TTC6: variants seen among roughly 807,000 people sequenced by gnomAD.
TTC6 encodes tetratricopeptide repeat domain 6, also known as tetratricopeptide repeat protein 6.
A neutral mutation model predicts 210.4 loss-of-function variants in TTC6; 172 were observed. That is an observed-to-expected ratio of 0.82 (90% CI 0.72 to 0.93). The LOEUF is 0.93. Ranked by LOEUF, TTC6 falls within the 40% of genes least tolerant of loss-of-function variation. The probability of loss-of-function intolerance (pLI) is 0.00; values close to 1 mark genes in which losing one functional copy is unlikely to be tolerated. For missense variants in TTC6, 2,414 were observed against 2,318.1 expected (o/e 1.04, Z -0.85); for synonymous variants, 804 against 819.6 (o/e 0.98, Z 0.32).
intron 1 of TTC6, among the ~76,000 whole-genome samples, chr14:37,629,642 T>C (rs557461338): frequency 6.6e-6 from 1 of 152,294 alleles, no homozygotes; most frequent in East Asian, 1.9e-4. Context: ...TCCAATACTA[T>C]GTTGAATAGG....
intron 1 of TTC6, among the ~76,000 whole-genome samples, chr14:37,633,049 C>T (rs2095673078): frequency 6.6e-6 from 1 of 152,224 alleles, no homozygotes; most frequent in Non-Finnish European, 1.5e-5. Flanking sequence ...TGGATCTTAG[C>T]TCGCTGGGCT....
At chr14:37,821,009 T>C (rs1003484301) in intron 26 of TTC6, among the ~76,000 whole-genome samples, 5 of 63,676 alleles carry the variant, frequency 7.9e-5, no homozygotes, top group African/African-American at 2.3e-4. Context: ...CTCTTGCTCT[T>C]CTTCTTCTTC....
chr14:37,766,194 CAT>C (rs2095998775), intron 14 of TTC6, among the ~76,000 whole-genome samples: 1 of 152,104 alleles, frequency 6.6e-6, no homozygotes, highest in South Asian at 2.1e-4. Context: ...ACAACATATG[CAT>C]ATGTTGGTTG....
exon 27 of TTC6, chr14:37,823,935 T>C: frequency 6.2e-7 from 1 of 1,613,876 alleles, no homozygotes; most frequent in Non-Finnish European, 8.5e-7. Flanking sequence ...AAAGCCAGAA[T>C]TAGTTTTGGC....
Position 37,666,891 on chromosome 14 carries a change from C to T in TTC6, c.940-13260C>T, listed in dbSNP as rs1011270374. On this transcript the variant is annotated intron_variant, in intron 1 of 30. Transcript: ENST00000553443. ...CTTTTGCCTTTGGGGGCACTTCTTA[C>T]CATAAAAATACTGAAAAAAAATTTT... Among the ~76,000 whole-genome samples, 3 of 149,424 alleles carry T rather than the reference C, an allele frequency of 2.0e-5. 1 individual carries two copies. Among genetic ancestry groups the T allele is most frequent in the Non-Finnish European group, 4.5e-5 (3 of 66,646 alleles).
At chr14:37,664,531 C>T (rs548463910) in intron 1 of TTC6, among the ~76,000 whole-genome samples, 6 of 150,424 alleles carry the variant, frequency 4.0e-5, no homozygotes, top group African/African-American at 1.4e-4. Flanking sequence ...AAATGTAAAA[C>T]CCCAAACTAC....
At chr14:37,719,343 T>C (rs1459847596) in intron 6 of TTC6, among the ~76,000 whole-genome samples, 1 of 152,022 alleles carries the variant, frequency 6.6e-6, no homozygotes, top group Non-Finnish European at 1.5e-5. Flanking sequence ...TTTTTGTACA[T>C]GTAAACAAGA....
intron 1 of TTC6, among the ~76,000 whole-genome samples, chr14:37,675,484 A>T (rs2095767133): frequency 6.6e-6 from 1 of 152,128 alleles, no homozygotes; most frequent in Non-Finnish European, 1.5e-5. Flanking sequence ...ATGAATGGAC[A>T]TTTGGCTTGT....
At chr14:37,803,846 TG>T (rs2096112441) in intron 20 of TTC6, among the ~76,000 whole-genome samples, 1 of 152,170 alleles carries the variant, frequency 6.6e-6, no homozygotes, top group Admixed American at 6.5e-5. Flanking sequence ...GGAGGGATGT[TG>T]GGTGGCTTGC....
At chr14:37,670,009 G>A (rs177899) in intron 1 of TTC6, among the ~76,000 whole-genome samples, 93,027 of 151,950 alleles carry the variant, frequency 0.61, 28,924 homozygotes, top group South Asian at 0.75. Context: ...GAGAAGAGAT[G>A]ACTGATGGCT....
At chr14:37,783,518 C>T (rs899825709) in intron 14 of TTC6, among the ~76,000 whole-genome samples, 4 of 151,594 alleles carry the variant, frequency 2.6e-5, no homozygotes, top group Non-Finnish European at 2.9e-5. Context: ...GATTCTTCTT[C>T]CTTTTTTTCT....
At chr14:37,793,402 A>G (rs2096085029) in intron 17 of TTC6, among the ~76,000 whole-genome samples, 1 of 152,224 alleles carries the variant, frequency 6.6e-6, no homozygotes, top group Admixed American at 6.5e-5. Flanking sequence ...ACTGTATTAA[A>G]ACAAAGGTTT....
intron 29 of TTC6, among the ~76,000 whole-genome samples, chr14:37,838,240 C>T (rs952159796): frequency 2.0e-5 from 3 of 151,936 alleles, no homozygotes; most frequent in Admixed American, 6.6e-5. Context: ...TGGTGAAAGG[C>T]CAGTTAAAAA....
chr14:37,739,886 C>T (rs1032028008), intron 10 of TTC6, among the ~76,000 whole-genome samples: 4 of 151,494 alleles, frequency 2.6e-5, no homozygotes, highest in Non-Finnish European at 5.9e-5. Context: ...ATTTTGGGCC[C>T]GGTGCAGTGA....
At chr14:37,831,997 G>A (rs1403668850) in intron 29 of TTC6, among the ~76,000 whole-genome samples, 2 of 151,946 alleles carry the variant, frequency 1.3e-5, no homozygotes, top group African/African-American at 4.8e-5. Context: ...TTTAACTCTC[G>A]AAAAATCTGT....
chr14:37,789,878 C>T (rs1042461175), intron 15 of TTC6, among the ~76,000 whole-genome samples: 7 of 152,048 alleles, frequency 4.6e-5, no homozygotes, highest in African/African-American at 1.7e-4. Context: ...TCCTAGACTG[C>T]AAACATTATG....
chr14:37,834,103 G>C (rs1464240606), intron 29 of TTC6, among the ~76,000 whole-genome samples: 1 of 152,036 alleles, frequency 6.6e-6, no homozygotes. Context: ...GATACTTTTG[G>C]TGTTTTTAAA....
At position 37,795,301 on chromosome 14, in the gene TTC6, TGTCTC is replaced by T; in HGVS notation, c.3743_3747del (p.Ser1248CysfsTer26). The T allele has an allele frequency of 6.5e-7, 1 of 1,532,154 alleles. No homozygotes were observed. Among genetic ancestry groups the T allele is most frequent in the Non-Finnish European group, 8.7e-7 (1 of 1,144,808 alleles). The allele number at this position is 1,532,154 out of a possible 1,614,324, so 94.9% of individuals were successfully genotyped here. A position where few individuals can be genotyped will look rare whatever the true frequency, so the allele number is the denominator to read the frequency against. The stretch of plus-strand genomic sequence containing the variant: ...AAATTGAAAAAGGCAGTAAATGAAT[TGTCTC>T]GTGCTATCCACCTTCAGCCAGATGG... On this transcript the variant is annotated frameshift_variant, in exon 18 of 31. Coordinates refer to ENST00000553443, the Ensembl canonical transcript of TTC6. LOFTEE classifies it high-confidence loss of function.
At chr14:37,773,550 C>T (rs1252274988) in intron 14 of TTC6, among the ~76,000 whole-genome samples, 3 of 152,066 alleles carry the variant, frequency 2.0e-5, no homozygotes, top group African/African-American at 7.2e-5. Flanking sequence ...CAACTTTGTC[C>T]AACATCAGAT....
Sources: allele counts gnomAD v4.1 joint callset (sites outside exome capture counted in the v4.1 genomes callset), GRCh38; gene constraint gnomAD v4.1.1; transcripts MANE v1.5; gene names NCBI Gene and HGNC (gene_info 2026-07-23, HGNC 2026-07-21).